SGCD: variants seen among roughly 807,000 people sequenced by gnomAD.
The protein encoded by SGCD is sarcoglycan delta.
In SGCD, 18 loss-of-function variants were observed where a neutral mutation model predicts 36.6. The observed-to-expected ratio is 0.49, with a 90% CI of 0.34 to 0.73. The LOEUF (loss-of-function observed/expected upper bound fraction) is 0.73. Ranked by LOEUF, SGCD falls within the 30% of genes least tolerant of loss-of-function variation. The pLI is 0.01. For synonymous variants in SGCD, 133 were observed against 130.6 expected (o/e 1.02, Z -0.12); for missense variants, 387 against 346.7 (o/e 1.12, Z -0.92).
At chr5:155,770,797 T>C in the SGCD span, among the ~76,000 whole-genome samples, 4 of 152,164 alleles carry the variant, frequency 2.6e-5, no homozygotes, top group Admixed American at 2.0e-4. Flanking sequence ...TTTAGTCCTC[T>C]TTATCAGTTT....
chr5:156,739,510 G>T (rs970725761), intron 7 of SGCD: 1 of 152,114 alleles, frequency 6.6e-6, no homozygotes. Context: ...CAGAAGGTGG[G>T]CCTCCCATTT....
At chr5:156,476,430 G>A (rs1443778641) in intron 3 of SGCD, among the ~76,000 whole-genome samples, 3 of 152,116 alleles carry the variant, frequency 2.0e-5, no homozygotes, top group East Asian at 1.9e-4. Context: ...AGAAATAAAA[G>A]ATTCCATAAT....
At chr5:156,619,940 A>G (rs1762178764) in intron 6 of SGCD, among the ~76,000 whole-genome samples, 1 of 152,180 alleles carries the variant, frequency 6.6e-6, no homozygotes. Flanking sequence ...ACAGTGGTTA[A>G]TGGGGTAAGG....
chr5:156,599,418 G>C (rs1236783774), intron 6 of SGCD, among the ~76,000 whole-genome samples: 3 of 152,070 alleles, frequency 2.0e-5, no homozygotes, highest in African/African-American at 7.2e-5. Flanking sequence ...ACTATAATAA[G>C]AAATATAAGT....
chr5:156,466,033 C>A (rs936767354), intron 3 of SGCD, among the ~76,000 whole-genome samples: 1 of 152,172 alleles, frequency 6.6e-6, no homozygotes, highest in African/African-American at 2.4e-5. Context: ...CAATATCTTT[C>A]AAATCTCTCA....
At chr5:155,980,868 C>T (rs17053091) in intron 1 of SGCD, among the ~76,000 whole-genome samples, 33,568 of 149,986 alleles carry the variant, frequency 0.22, 4,542 homozygotes, top group South Asian at 0.38. Context: ...CTGGGAAATA[C>T]ATAGTCTTTA....
intron 3 of SGCD, among the ~76,000 whole-genome samples, chr5:156,357,351 A>C (rs1561642390): frequency 6.6e-6 from 1 of 152,210 alleles, no homozygotes; most frequent in African/African-American, 2.4e-5. Context: ...ATAAACCAAG[A>C]TATGTCTAAC....
At chr5:156,348,711 C>G (rs1390664402) in intron 3 of SGCD, among the ~76,000 whole-genome samples, 1 of 152,080 alleles carries the variant, frequency 6.6e-6, no homozygotes, top group African/African-American at 2.4e-5. Context: ...TACTTCCTAT[C>G]AAAATATCAA....
chr5:156,049,486 C>T (rs1469162285), intron 1 of SGCD, among the ~76,000 whole-genome samples: 1 of 145,762 alleles, frequency 6.9e-6, no homozygotes, highest in Non-Finnish European at 1.5e-5. Context: ...TTGTTTGTAT[C>T]CTCTTTTATT....
chr5:156,286,840 C>G (rs1368511265), intron 3 of SGCD, among the ~76,000 whole-genome samples: 1 of 151,586 alleles, frequency 6.6e-6, no homozygotes, highest in African/African-American at 2.4e-5. Context: ...AAAAAGAGCA[C>G]ATACAATGCT....
intron 1 of SGCD, among the ~76,000 whole-genome samples, chr5:156,103,107 G>T (rs1761560027): frequency 6.6e-6 from 1 of 152,038 alleles, no homozygotes; most frequent in African/African-American, 2.4e-5. Flanking sequence ...TCATTAATTG[G>T]ATTGATCTTC....
chr5:156,252,600 G>A (rs1765610482), intron 3 of SGCD, among the ~76,000 whole-genome samples: 1 of 152,168 alleles, frequency 6.6e-6, no homozygotes, highest in Non-Finnish European at 1.5e-5. Flanking sequence ...ATGCGTGAGT[G>A]TTGTTCAAAC....
At chr5:156,035,686 G>T (rs1466220021) in intron 1 of SGCD, among the ~76,000 whole-genome samples, 2 of 152,138 alleles carry the variant, frequency 1.3e-5, no homozygotes, top group African/African-American at 4.8e-5. Context: ...AATGGCAGAG[G>T]AGAAATGTAA....
intron 1 of SGCD, among the ~76,000 whole-genome samples, chr5:155,876,963 A>G (rs1232757175): frequency 1.3e-5 from 2 of 152,140 alleles, no homozygotes; most frequent in African/African-American, 4.8e-5. Flanking sequence ...ACTCATTTTT[A>G]TGCCCACTAT....
intron 6 of SGCD, among the ~76,000 whole-genome samples, chr5:156,606,311 C>T (rs927856995): frequency 2.0e-4 from 31 of 152,272 alleles, no homozygotes; most frequent in African/African-American, 7.5e-4. Context: ...GAATCCTTTC[C>T]CCATTTCTTC....
At chr5:156,280,946 A>G (rs772520637) in intron 3 of SGCD, among the ~76,000 whole-genome samples, 1 of 152,202 alleles carries the variant, frequency 6.6e-6, no homozygotes, top group African/African-American at 2.4e-5. Context: ...ATTAGGAGGC[A>G]GTTCCTGGAA....
chr5:156,424,798 G>A (rs961099665), intron 3 of SGCD, among the ~76,000 whole-genome samples: 7 of 152,090 alleles, frequency 4.6e-5, no homozygotes, highest in South Asian at 2.1e-4. Context: ...GCACCTTTTC[G>A]AGAAGAAATC....
chr5:155,800,361 A>G, the SGCD span, among the ~76,000 whole-genome samples: 2 of 152,160 alleles, frequency 1.3e-5, no homozygotes, highest in African/African-American at 4.8e-5. Flanking sequence ...CAAATTAGAC[A>G]GGTGTATGAT....
At chr5:156,350,122 T>C (rs968735580) in intron 3 of SGCD, among the ~76,000 whole-genome samples, 5 of 151,288 alleles carry the variant, frequency 3.3e-5, no homozygotes, top group Non-Finnish European at 5.9e-5. Flanking sequence ...GATGAAAAAC[T>C]ACCTGTTGGG....
Sources: allele counts gnomAD v4.1 joint callset (sites outside exome capture counted in the v4.1 genomes callset), GRCh38; gene constraint gnomAD v4.1.1; transcripts MANE v1.5; gene names NCBI Gene and HGNC (gene_info 2026-07-23, HGNC 2026-07-21).